Variants in PDK1 observed in about 807,000 individuals in gnomAD.
The protein encoded by PDK1 is [Pyruvate dehydrogenase (acetyl-transferring)] kinase isozyme 1, mitochondrial.
PDK1 carries 39 observed loss-of-function variants against 54.2 expected under a neutral mutation model. The ratio of observed to expected loss-of-function variants is 0.72; its 90% CI spans 0.56 to 0.94. The LOEUF is 0.94. PDK1 is among the 40% of genes least tolerant of loss of function. The pLI is 0.00. For synonymous variants in PDK1, 221 were observed against 207.1 expected, an observed-to-expected ratio of 1.07 and a Z score of -0.58; for missense variants, 552 against 566.0, an observed-to-expected ratio of 0.98 and a Z score of 0.25.
the PDK1 span, among the ~76,000 whole-genome samples, chr2:172,635,369 G>A: frequency 6.6e-6 from 1 of 152,144 alleles, no homozygotes; most frequent in African/African-American, 2.4e-5. Context: ...AGGCTGGAGC[G>A]CAATGGTGCG....
the PDK1 span, among the ~76,000 whole-genome samples, chr2:172,647,641 GA>G: frequency 5.3e-5 from 8 of 152,078 alleles, no homozygotes; most frequent in Admixed American, 4.6e-4. Context: ...CATCCTTAAG[GA>G]ATTCCAATTA....
At chr2:172,695,486 G>A in the PDK1 span, among the ~76,000 whole-genome samples, 1 of 152,136 alleles carries the variant, frequency 6.6e-6, no homozygotes, top group African/African-American at 2.4e-5. Context: ...AATTACCTGT[G>A]GTGGACAGAC....
the PDK1 span, among the ~76,000 whole-genome samples, chr2:172,619,512 A>G: frequency 6.6e-6 from 1 of 151,728 alleles, no homozygotes; most frequent in African/African-American, 2.4e-5. Context: ...ATCTAAAAGC[A>G]TAAGCTTCAG....
chr2:172,664,311 CAA>C, the PDK1 span, among the ~76,000 whole-genome samples: 3 of 44,180 alleles, frequency 6.8e-5, no homozygotes, highest in East Asian at 1.6e-3. Context: ...AACTCTGCCT[CAA>C]AAAAAAAAAA....
chr2:172,693,647 G>A, the PDK1 span, among the ~76,000 whole-genome samples: 1 of 152,126 alleles, frequency 6.6e-6, no homozygotes, highest in Admixed American at 6.5e-5. Flanking sequence ...GGACAAACCT[G>A]TTTTTGCTTT....
intron 9 of PDK1, among the ~76,000 whole-genome samples, chr2:172,586,857 T>G (rs1690258283): frequency 6.6e-6 from 1 of 152,168 alleles, no homozygotes; most frequent in Admixed American, 6.5e-5. Context: ...AAATTATAAT[T>G]GCTTTGATGG....
chr2:172,612,573 A>G (rs1016432315), downstream of PDK1, among the ~76,000 whole-genome samples: 1 of 152,138 alleles, frequency 6.6e-6, no homozygotes, highest in Non-Finnish European at 1.5e-5. Flanking sequence ...TCACCACTCT[A>G]TCCAAAATTC....
At chr2:172,723,732 G>A in the PDK1 span, 1 of 152,212 alleles carries the variant, frequency 6.6e-6, no homozygotes, top group Non-Finnish European at 1.5e-5. Context: ...TAAATGTCTT[G>A]AGTGTGAAAA....
At chr2:172,579,586 T>C (rs1277807105) in intron 8 of PDK1, among the ~76,000 whole-genome samples, 2 of 151,254 alleles carry the variant, frequency 1.3e-5, no homozygotes, top group African/African-American at 4.8e-5. Flanking sequence ...CTTTCTCTTC[T>C]ATTTTTGCTG....
chr2:172,578,436 C>G (rs1373846181), intron 8 of PDK1, among the ~76,000 whole-genome samples: 1 of 152,020 alleles, frequency 6.6e-6, no homozygotes, highest in Non-Finnish European at 1.5e-5. Flanking sequence ...TTCACCTTTG[C>G]TAAATGTTGA....
chr2:172,680,232 G>A, the PDK1 span, among the ~76,000 whole-genome samples: 8 of 152,084 alleles, frequency 5.3e-5, no homozygotes, highest in African/African-American at 1.4e-4. Context: ...GCAAGCTCTC[G>A]GAAGGGGCCA....
At position 172,556,302 on chromosome 2, in the gene PDK1, G is replaced by A. The variant is rs1005007251; in HGVS notation, c.152G>A (p.Arg51His). ...GVPGQVDFYA[R>H]FSPSPLSMKQ... ...CCGGGCCAGGTGGACTTCTACGCGC[G>A]CTTCTCGCCGTCCCCGCTCTCCATG... Residue 51 changes from arginine to histidine, a missense_variant, in exon 1 of 11, where the codon CGC (arginine) becomes CAC (histidine). Physicochemically the swap from Arg to His is conservative, Grantham distance 29 (BLOSUM62 0). Coordinates refer to ENST00000282077, the MANE Select transcript of PDK1 (RefSeq NM_002610.5). 1 of 1,505,990 alleles carries A rather than the reference G, an allele frequency of 6.6e-7. No individual in the cohort carries two copies. The highest frequency in any genetic ancestry group is 1.5e-5 in the African/African-American group (1 of 68,766). 93.3% of individuals were successfully genotyped at this position (1,505,990 alleles called of 1,614,324 possible). A position where few individuals can be genotyped will look rare whatever the true frequency, so the allele number is the denominator to read the frequency against.
the PDK1 span, among the ~76,000 whole-genome samples, chr2:172,711,693 T>C: frequency 1.2e-3 from 179 of 151,922 alleles, 2 homozygotes; most frequent in Non-Finnish European, 2.2e-3. Flanking sequence ...AGTGAAATGC[T>C]GTCTCTACAT....
chr2:172,597,229 C>T lies in PDK1; in HGVS notation c.*1260C>T, dbSNP rs2149306193. ...TCAAGTAATCCTTCCACCTCAGCCTCCCATATAGCTGGAACTACAGTTGTG... is the reference window on the plus strand; with the variant it reads ...TCAAGTAATCCTTCCACCTCAGCCTTCCATATAGCTGGAACTACAGTTGTG... On this transcript the variant is annotated 3_prime_UTR_variant, in exon 11 of 11. Transcript: ENST00000282077. The T allele has an allele frequency of 6.6e-6, 1 of 152,238 alleles. No homozygotes were observed. Among genetic ancestry groups the T allele is most frequent in the Middle Eastern group, 3.4e-3 (1 of 294 alleles). The allele number at this position is 152,238 out of a possible 1,614,324, so 9.4% of individuals were successfully genotyped here. A position where few individuals can be genotyped will look rare whatever the true frequency, so the allele number is the denominator to read the frequency against.
the PDK1 span, among the ~76,000 whole-genome samples, chr2:172,697,745 C>T: frequency 4.6e-5 from 7 of 152,026 alleles, no homozygotes; most frequent in Non-Finnish European, 8.8e-5. Context: ...ATGTGTAATC[C>T]TTGTCTCAGA....
At chr2:172,681,371 G>A in the PDK1 span, among the ~76,000 whole-genome samples, 1 of 152,234 alleles carries the variant, frequency 6.6e-6, no homozygotes, top group Admixed American at 6.5e-5. Context: ...TTGCAGTGGG[G>A]ATAGACTTGT....
the PDK1 span, among the ~76,000 whole-genome samples, chr2:172,660,247 CTTTTT>C: frequency 9.0e-4 from 40 of 44,222 alleles, no homozygotes; most frequent in African/African-American, 3.5e-3. Flanking sequence ...CTCTCTCTCT[CTTTTT>C]TTTTTTTTTT....
chr2:172,711,600 T>C, the PDK1 span, among the ~76,000 whole-genome samples: 1 of 152,098 alleles, frequency 6.6e-6, no homozygotes, highest in African/African-American at 2.4e-5. Context: ...TACAGTGGCT[T>C]ACACCTGTAA....
the PDK1 span, among the ~76,000 whole-genome samples, chr2:172,622,497 CATATATT>C: frequency 1.4e-3 from 194 of 137,656 alleles, no homozygotes; most frequent in Middle Eastern, 0.031. Flanking sequence ...GTTTATATCT[CATATATT>C]ATGTGAGATA....
Sources: allele counts gnomAD v4.1 joint callset (sites outside exome capture counted in the v4.1 genomes callset), GRCh38; gene constraint gnomAD v4.1.1; transcripts MANE v1.5; gene names NCBI Gene and HGNC (gene_info 2026-07-23, HGNC 2026-07-21).